DLGAP1: variants seen among roughly 807,000 people sequenced by gnomAD.
DLGAP1 encodes the protein disks large-associated protein 1.
A neutral mutation model predicts 90.8 loss-of-function variants in DLGAP1; 11 were observed. The ratio of observed to expected loss-of-function variants is 0.12; its 90% CI spans 0.08 to 0.20. The LOEUF (loss-of-function observed/expected upper bound fraction) is 0.20. DLGAP1 is among the 10% of genes least tolerant of loss of function. The pLI is 1.00. For missense variants in DLGAP1, 1,050 were observed against 1,333.8 expected, an observed-to-expected ratio of 0.79 and a Z score of 3.31; for synonymous variants, 558 against 540.7, an observed-to-expected ratio of 1.03 and a Z score of -0.44.
chr18:3,869,429 GTCTGTAGTCCCAGC>G (rs1419933418), intron 4 of DLGAP1, among the ~76,000 whole-genome samples: 5 of 152,220 alleles, frequency 3.3e-5, no homozygotes, highest in African/African-American at 1.2e-4. Context: ...GGTGACCTGA[GTCTGTAGTCCCAGC>G]TACGCTGAAG....
chr18:3,989,587 TC>T (rs1438771686), intron 3 of DLGAP1, among the ~76,000 whole-genome samples: 2 of 152,182 alleles, frequency 1.3e-5, no homozygotes, highest in African/African-American at 4.8e-5. Flanking sequence ...GTGTTAATGA[TC>T]CCCCAAACAA....
intron 1 of DLGAP1, among the ~76,000 whole-genome samples, chr18:4,211,317 G>A (rs1371369185): frequency 6.6e-6 from 1 of 152,238 alleles, no homozygotes; most frequent in Non-Finnish European, 1.5e-5. Context: ...TCTTCATAAC[G>A]CCTAAGTACA....
At chr18:3,580,851 G>A (rs655787) in intron 8 of DLGAP1, 448,763 of 1,293,682 alleles carry the variant, frequency 0.35, 82,457 homozygotes, top group East Asian at 0.61. Context: ...CTCTGCCCCC[G>A]GGGTGAGTGT....
chr18:4,305,070 T>C (rs879901191), intron 1 of DLGAP1, among the ~76,000 whole-genome samples: 8 of 152,308 alleles, frequency 5.3e-5, no homozygotes, highest in Middle Eastern at 3.4e-3. Flanking sequence ...TGGAATAAAT[T>C]AAAACAATAT....
intron 1 of DLGAP1, among the ~76,000 whole-genome samples, chr18:4,363,408 A>T (rs1256771808): frequency 2.6e-5 from 4 of 152,208 alleles, no homozygotes; most frequent in Non-Finnish European, 5.9e-5. Context: ...GTTTAAACAT[A>T]CACTGTAATA....
At chr18:4,162,275 T>C (rs1369570514) in intron 1 of DLGAP1, among the ~76,000 whole-genome samples, 1 of 152,174 alleles carries the variant, frequency 6.6e-6, no homozygotes, top group African/African-American at 2.4e-5. Context: ...GCCTACTAGT[T>C]ACATTGAAAG....
chr18:3,851,669 A>G (rs1435917845), intron 4 of DLGAP1, among the ~76,000 whole-genome samples: 6 of 152,226 alleles, frequency 3.9e-5, no homozygotes, highest in Non-Finnish European at 7.3e-5. Flanking sequence ...ATAAAAGTTT[A>G]AAAGTAAAAA....
chr18:3,512,517 T>C (rs1328875578), intron 10 of DLGAP1, among the ~76,000 whole-genome samples: 2 of 152,290 alleles, frequency 1.3e-5, no homozygotes, highest in African/African-American at 4.8e-5. Context: ...AGACCCACAA[T>C]AGAGAGTACA....
chr18:3,772,666 C>T (rs187711475), intron 5 of DLGAP1, among the ~76,000 whole-genome samples: 6 of 151,628 alleles, frequency 4.0e-5, no homozygotes, highest in African/African-American at 1.5e-4. Context: ...CTGAGCCCCA[C>T]CCCAGAACAA....
intron 5 of DLGAP1, among the ~76,000 whole-genome samples, chr18:3,813,608 T>C (rs974841889): frequency 1.3e-5 from 2 of 152,218 alleles, no homozygotes; most frequent in Non-Finnish European, 2.9e-5. Flanking sequence ...GGTCACACTC[T>C]ATAAGCTTCT....
chr18:4,138,176 A>G (rs942113997), intron 2 of DLGAP1, among the ~76,000 whole-genome samples: 1 of 152,078 alleles, frequency 6.6e-6, no homozygotes, highest in African/African-American at 2.4e-5. Context: ...TGGGCATCCT[A>G]TTCTTGCTTC....
chr18:3,596,688 T>C (rs977507359), intron 7 of DLGAP1: 3 of 401,932 alleles, frequency 7.5e-6, no homozygotes, highest in African/African-American at 4.2e-5. Flanking sequence ...ACTAGTGTGA[T>C]AAATGCTTGT....
chr18:3,643,845 G>A (rs1477149518), intron 7 of DLGAP1, among the ~76,000 whole-genome samples: 1 of 152,146 alleles, frequency 6.6e-6, no homozygotes, highest in Non-Finnish European at 1.5e-5. Flanking sequence ...GCTTTCAACA[G>A]TGCTGGTGGC....
At chr18:3,700,061 C>G (rs1039968878) in intron 7 of DLGAP1, among the ~76,000 whole-genome samples, 5 of 152,186 alleles carry the variant, frequency 3.3e-5, no homozygotes, top group African/African-American at 9.7e-5. Flanking sequence ...TTGCTAGGCT[C>G]TCTGGGGGTG....
intron 2 of DLGAP1, among the ~76,000 whole-genome samples, chr18:4,117,948 C>A (rs538941575): frequency 6.6e-6 from 1 of 152,026 alleles, no homozygotes; most frequent in East Asian, 1.9e-4. Flanking sequence ...CCACATCTAG[C>A]TCTGATTGCT....
chr18:3,602,443 A>G (rs1423174053), intron 7 of DLGAP1, among the ~76,000 whole-genome samples: 2 of 151,720 alleles, frequency 1.3e-5, no homozygotes, highest in African/African-American at 4.8e-5. Flanking sequence ...AAAATACAAA[A>G]AATTAGCCGG....
chr18:3,644,135 G>A (rs2059036989), intron 7 of DLGAP1, among the ~76,000 whole-genome samples: 1 of 152,168 alleles, frequency 6.6e-6, no homozygotes, highest in Non-Finnish European at 1.5e-5. Flanking sequence ...TGTGAAGGCT[G>A]TGGGTTCCAG....
intron 1 of DLGAP1, among the ~76,000 whole-genome samples, chr18:4,403,439 T>C (rs191435612): frequency 1.3e-5 from 2 of 152,346 alleles, no homozygotes; most frequent in East Asian, 1.9e-4. Context: ...ATGTTATCTA[T>C]GTTTGAAAAG....
At chr18:4,047,039 T>C (rs1395609526) in intron 2 of DLGAP1, among the ~76,000 whole-genome samples, 1 of 152,222 alleles carries the variant, frequency 6.6e-6, no homozygotes, top group Non-Finnish European at 1.5e-5. Flanking sequence ...GGAAAGTATA[T>C]TTTCCAGCCT....
Sources: gnomAD v4.1 joint callset for allele counts (sites outside exome capture counted in the v4.1 genomes callset) on GRCh38, gnomAD v4.1.1 for gene constraint, MANE v1.5 for transcripts, NCBI Gene and HGNC (gene_info 2026-07-23, HGNC 2026-07-21) for gene names.